Variants in RIOK3 observed in about 807,000 individuals in gnomAD.
RIOK3 encodes serine/threonine-protein kinase RIO3.
In RIOK3, 40 loss-of-function variants were observed where a neutral mutation model predicts 63.5. That is an observed-to-expected ratio of 0.63 (90% confidence interval 0.49 to 0.82). The LOEUF (loss-of-function observed/expected upper bound fraction) is 0.82, where lower values mean the gene tolerates loss of function less well. Ranked by LOEUF, RIOK3 falls within the 40% of genes least tolerant of loss-of-function variation. The pLI, the probability that RIOK3 is intolerant of heterozygous loss-of-function variation, is 0.00. For synonymous variants in RIOK3, 193 were observed against 205.0 expected (o/e 0.94, Z 0.50); for missense variants, 557 against 637.0 (o/e 0.87, Z 1.35).
At chr18:23,481,029 G>A (rs568647428) in intron 12 of RIOK3, 143 bp from the exon 13 acceptor site, 62 of 589,444 alleles carry the variant, frequency 1.1e-4, no homozygotes, top group African/African-American at 6.4e-4. Context: ...GCAGTGAGCC[G>A]AGATTGCACC....
At chr18:23,463,511 G>A (rs1163243871) in intron 2 of RIOK3, among the ~76,000 whole-genome samples, 1 of 150,480 alleles carries the variant, frequency 6.6e-6, no homozygotes, top group Non-Finnish European at 1.5e-5. Context: ...CCGGGTTCAA[G>A]TGATTCTCCT....
intron 2 of RIOK3, 139 bp downstream of exon 2, chr18:23,463,218 T>A (rs1364512917): frequency 5.6e-6 from 3 of 534,278 alleles, no homozygotes; most frequent in Non-Finnish European, 9.9e-6. Flanking sequence ...ATACTTGAAT[T>A]TTGGTCCTGA....
chr18:23,473,496 A>T lies in RIOK3; in HGVS notation c.883A>T (p.Thr295Ser), dbSNP rs1365400375. 6.2e-7 allele frequency: 1 copy of T among 1,612,160 alleles called. No homozygotes were observed. Among genetic ancestry groups the T allele is most frequent in the Non-Finnish European group, 8.5e-7 (1 of 1,178,462 alleles). The change falls in exon 8 of 13, where the codon ACC (threonine) becomes TCC (serine). Residue 295 changes from threonine (T) to serine (S), a missense_variant. Transcript: ENST00000339486. ...ATGTGCCATCAAGGTATTTAAAACA[A>T]CCCTTAATGAATTTAAGAATCGTGA... ...TECAIKVFKT[T>S]LNEFKNRDKY...
chr18:23,477,299 G>C (rs1648954303), intron 11 of RIOK3, 31 bp downstream of exon 11: 1 of 1,525,750 alleles, frequency 6.6e-7, no homozygotes, highest in African/African-American at 1.4e-5. Context: ...GCCTTTTTTT[G>C]TTGGATGTAA....
At chr18:23,456,694 A>C (rs1434895394) in intron 1 of RIOK3, among the ~76,000 whole-genome samples, 1 of 152,242 alleles carries the variant, frequency 6.6e-6, no homozygotes, top group African/African-American at 2.4e-5. Context: ...CACCTGGCCA[A>C]AAGAAAACTA....
intron 6 of RIOK3, among the ~76,000 whole-genome samples, chr18:23,466,948 G>A (rs2057412611): frequency 6.6e-6 from 1 of 151,714 alleles, no homozygotes; most frequent in Non-Finnish European, 1.5e-5. Context: ...GCTGTAGTGA[G>A]CCATAATCAT....
intron 7 of RIOK3, among the ~76,000 whole-genome samples, chr18:23,469,338 C>T (rs865893040): frequency 0.25 from 1,974 of 8,044 alleles, 80 homozygotes; most frequent in Non-Finnish European, 0.29. Context: ...TCTCTCTCTC[C>T]CCCTCTCTCC....
chr18:23,479,315 A>G lies in RIOK3; in HGVS notation c.1345-2A>G. The G allele has an allele frequency of 1.3e-6, 2 of 1,577,650 alleles. No homozygotes were observed. The highest frequency in any genetic ancestry group is 1.7e-6 in the Non-Finnish European group (2 of 1,146,944). On this transcript the variant is annotated splice_acceptor_variant, in intron 11 of 12. Coordinates refer to ENST00000339486, the MANE Select transcript of RIOK3 (RefSeq NM_003831.5). LOFTEE classifies it high-confidence loss of function. ...ACTGACTTTCTTGTATTTCCTTACT[A>G]GTTTTTCCAGAAAGGAGGAGTCAAG...
At chr18:23,462,295 A>G (rs1392887015) in intron 1 of RIOK3, among the ~76,000 whole-genome samples, 1 of 151,658 alleles carries the variant, frequency 6.6e-6, no homozygotes, top group Non-Finnish European at 1.5e-5. Context: ...ATGCACCACC[A>G]CAGCCCGCTA....
In RIOK3 at chr18:23,479,680, G is replaced by A. The variant is rs182666322; in HGVS notation, c.1452+256G>A. On this transcript the variant is annotated intron_variant, in intron 12 of 12. Transcript: ENST00000339486. ...CAACCTCTGCCTCTTGGGTTCAAGC[G>A]ATTCTCCTGCCTCAGCCTCCTGAGT... Among the ~76,000 whole-genome samples, 272 of 151,980 alleles carry A rather than the reference G, an allele frequency of 1.8e-3. 2 individuals are homozygous for A. Among genetic ancestry groups the A allele is most frequent in the African/African-American group, 6.4e-3 (267 of 41,448 alleles).
In RIOK3 at chr18:23,463,962, A is replaced by G. The variant is rs1237550807; in HGVS notation, c.180-5A>G. The G allele has an allele frequency of 6.3e-7, 1 of 1,597,362 alleles. No individual in the cohort carries two copies. The highest frequency in any genetic ancestry group is 1.1e-5 in the South Asian group (1 of 87,818). ...CATTAGTTTATATTGCCTTATTTTG[A>G]ATAGTGTTGCTGAAGGACCATTTAT... On this transcript the variant is annotated splice_region_variant and splice_polypyrimidine_tract_variant and intron_variant, in intron 2 of 12. Coordinates refer to ENST00000339486, the MANE Select transcript of RIOK3 (RefSeq NM_003831.5).
chr18:23,466,987 G>A (rs2057412915), intron 6 of RIOK3, among the ~76,000 whole-genome samples: 1 of 151,472 alleles, frequency 6.6e-6, no homozygotes, highest in Admixed American at 6.6e-5. Flanking sequence ...GGACAACAGA[G>A]TGAGACCCTG....
intron 12 of RIOK3, among the ~76,000 whole-genome samples, chr18:23,480,411 T>C (rs1402690094): frequency 6.6e-6 from 1 of 152,218 alleles, no homozygotes; most frequent in Non-Finnish European, 1.5e-5. Context: ...TTCTTTTTCC[T>C]GTTTCTGGAA....
At chr18:23,463,190 C>T (rs2057383032) in intron 2 of RIOK3, 111 bp downstream of exon 2, 2 of 633,690 alleles carry the variant, frequency 3.2e-6, no homozygotes, top group Admixed American at 3.1e-5. Context: ...AAGAAAGCAC[C>T]ATATTGAGAG....
At position 23,473,411 on chromosome 18, in the gene RIOK3, T is replaced by C; in HGVS notation, c.816-18T>C. ...AGCTGGCAACTTGTACTGACTTGAT[T>C]TTTTTTCTTCCACTTAGCATGGAGG... is the stretch of plus-strand genomic sequence containing the variant. On this transcript the variant is annotated intron_variant, in intron 7 of 12. Transcript: ENST00000339486. 1 of 1,563,644 alleles carries C rather than the reference T, an allele frequency of 6.4e-7. No homozygotes were observed. The highest frequency in any genetic ancestry group is 8.7e-7 in the Non-Finnish European group (1 of 1,145,660).
intron 7 of RIOK3, 49 bp from the exon 8 acceptor site, chr18:23,473,380 C>A: frequency 8.8e-7 from 1 of 1,134,630 alleles, no homozygotes; most frequent in Non-Finnish European, 1.3e-6. Flanking sequence ...AATTGTTGTA[C>A]TTGTGAGCTG....
rs778640697 is a variant in RIOK3 at position 23,467,524 on chromosome 18, G to A, written c.813G>A (p.Gly271=). 6.2e-7 allele frequency: 1 copy of A among 1,611,996 alleles called. No homozygotes were observed. Among genetic ancestry groups the A allele is most frequent in the South Asian group, 1.1e-5 (1 of 90,698 alleles). Reference sequence around the variant, plus strand: ...CTGTTGTCTTTCATGCATATGGAGGGAGGTAAATGAGCAAAATATGATACC... The same window carrying A: ...CTGTTGTCTTTCATGCATATGGAGGAAGGTAAATGAGCAAAATATGATACC... ...KESVVFHAYG[G]SMEDEKEDSK... is the part of the protein sequence containing the mutation. The change falls in exon 7 of 13, where the codon GGG becomes GGA. Residue 271 remains glycine (G), a splice_region_variant and synonymous_variant. Coordinates refer to ENST00000339486, the MANE Select transcript of RIOK3 (RefSeq NM_003831.5).
At chr18:23,463,847 G>C in intron 2 of RIOK3, 120 bp from the exon 3 acceptor site, 1 of 823,042 alleles carries the variant, frequency 1.2e-6, no homozygotes, top group Non-Finnish European at 1.9e-6. Flanking sequence ...TAAATGGTTT[G>C]ATAGAGTTCT....
intron 2 of RIOK3, among the ~76,000 whole-genome samples, chr18:23,463,571 G>A (rs1049679656): frequency 2.0e-5 from 3 of 151,970 alleles, no homozygotes; most frequent in South Asian, 2.1e-4. Context: ...TGCCACGTCC[G>A]GCTAATTTTG....
Sources: allele counts gnomAD v4.1 joint callset (sites outside exome capture counted in the v4.1 genomes callset), GRCh38; gene constraint gnomAD v4.1.1; transcripts MANE v1.5; gene names NCBI Gene and HGNC (gene_info 2026-07-23, HGNC 2026-07-21).